The following EHD2 variants were observed in gnomAD, a reference collection of about 807,000 sequenced individuals.
The protein encoded by EHD2 is EH domain-containing protein 2.
In EHD2, 27 loss-of-function variants were observed where a neutral mutation model predicts 41.0. The ratio of observed to expected loss-of-function variants is 0.66; its 90% CI spans 0.49 to 0.91. The LOEUF (loss-of-function observed/expected upper bound fraction) is 0.91. Among genes scored for constraint, EHD2 ranks in the 40% least tolerant of loss-of-function variants. The pLI is 0.00. For synonymous variants in EHD2, 342 were observed against 341.0 expected, an observed-to-expected ratio of 1.00 and a Z score of -0.03; for missense variants, 673 against 773.9, an observed-to-expected ratio of 0.87 and a Z score of 1.55.
Position 47,716,909 on chromosome 19 carries a change from C to G in EHD2, c.297C>G (p.Ala99=), listed in dbSNP as rs148949873. 6.2e-7 allele frequency: 1 copy of G among 1,611,816 alleles called. No individual in the cohort carries two copies. Among genetic ancestry groups the G allele is most frequent in the Non-Finnish European group, 8.5e-7 (1 of 1,179,936 alleles). ...AGCCCACCACCGACTGCTTTGTGGCCGTCATGCACGGGGACACTGAGGGCA... is the reference window on the plus strand; with the variant it reads ...AGCCCACCACCGACTGCTTTGTGGCGGTCATGCACGGGGACACTGAGGGCA... ...GPEPTTDCFV[A]VMHGDTEGTV... is the part of the protein sequence containing the mutation. The change falls in exon 2 of 6, where the codon GCC becomes GCG. Residue 99 remains alanine, a synonymous_variant. Transcript: ENST00000263277.
rs750624524 is a variant in EHD2, at chr19:47,740,899, G to A, written c.1099G>A (p.Asp367Asn). The change falls in exon 6 of 6, where the codon GAC (aspartate) becomes AAC (asparagine). Residue 367 changes from aspartate (D) to asparagine (N), a missense_variant. Asp to Asn is a conservative substitution (Grantham distance 23). Transcript: ENST00000263277. ...QKMQELLMAHDFTKFHSLKPK... is the reference protein window; with the variant it reads ...QKMQELLMAHNFTKFHSLKPK... ...ACCACAGGAGCTGCTGATGGCGCAC[G>A]ACTTCACCAAGTTTCACTCGCTGAA... The A allele has an allele frequency of 1.5e-5, 25 of 1,613,132 alleles. No homozygotes were observed. The highest frequency in any genetic ancestry group is 3.3e-5 in the Admixed American group (2 of 59,902).
At chr19:47,729,009 T>G (rs909286751) in intron 4 of EHD2, among the ~76,000 whole-genome samples, 12 of 152,150 alleles carry the variant, frequency 7.9e-5, no homozygotes, top group African/African-American at 2.7e-4. Context: ...TGGCCTGGTG[T>G]TGGGTGGTGC....
In EHD2 at chr19:47,736,905, C is replaced by T. The variant is rs148783475; in HGVS notation, c.1080+372C>T. 2.0e-3 allele frequency among the ~76,000 whole-genome samples: 309 copies of T among 152,280 alleles called. 2 individuals are homozygous for T. Among genetic ancestry groups the T allele is most frequent in the African/African-American group, 7.2e-3 (298 of 41,568 alleles). On this transcript the variant is annotated intron_variant, in intron 5 of 5. Transcript: ENST00000263277. ...ATGGTACAAAAGGGCTGTGAAGGCT[C>T]CAGCCATTGTGTCTGCGTTCCAGCC...
intron 3 of EHD2, among the ~76,000 whole-genome samples, chr19:47,722,582 T>G (rs933683617): frequency 4.6e-5 from 7 of 151,678 alleles, no homozygotes; most frequent in African/African-American, 1.7e-4. Flanking sequence ...TTTTTTTTTT[T>G]GAGACGGAGT....
Position 47,738,104 on chromosome 19 carries a change from A to T in EHD2, c.1080+1571A>T, listed in dbSNP as rs908862336. Among the ~76,000 whole-genome samples the T allele has an allele frequency of 4.6e-5, 7 of 150,958 alleles. No homozygotes were observed. In the Admixed American group the frequency reaches 4.6e-4, roughly 10 times the overall value. On this transcript the variant is annotated intron_variant, in intron 5 of 5. Coordinates refer to ENST00000263277, the MANE Select transcript of EHD2 (RefSeq NM_014601.4). ...GTCATGTTGGCCAGGCTGGTCTCGA[A>T]CTCCTGGCCTCAAGTGATCCTCCTG...
intron 3 of EHD2, among the ~76,000 whole-genome samples, chr19:47,718,933 T>TGG (rs59552209): frequency 3.3e-4 from 40 of 122,106 alleles, no homozygotes; most frequent in African/African-American, 1.1e-3. Flanking sequence ...GGAGAGGGGC[T>TGG]GGGCCTGGAC....
At chr19:47,739,274 A>ATTTTTTTTTTTTTTT (rs57266469) in intron 5 of EHD2, among the ~76,000 whole-genome samples, 1 of 116,068 alleles carries the variant, frequency 8.6e-6, no homozygotes, top group African/African-American at 3.1e-5. Flanking sequence ...CTAATTTTTA[A>ATTTTTTTTTTTTTTT]TTTTTTTTTT....
intron 5 of EHD2, among the ~76,000 whole-genome samples, chr19:47,740,640 G>T (rs1966976086): frequency 6.6e-6 from 1 of 152,172 alleles, no homozygotes; most frequent in Non-Finnish European, 1.5e-5. Context: ...CAGCTACTTG[G>T]GAGGCTGAGG....
At position 47,741,260 on chromosome 19, in the gene EHD2, G is replaced by A; in HGVS notation, c.1460G>A (p.Gly487Glu). Residue 487 changes from glycine (G) to glutamate (E), a missense_variant, in exon 6 of 6, where the codon GGG becomes GAG. Gly to Glu is a moderately conservative substitution (Grantham distance 98, BLOSUM62 -2). Transcript: ENST00000263277. This position sits in a 1 kb window ranked among gnomAD's most constrained non-coding sequence, Gnocchi z 4.5. ...VGTKLPNSVL[G>E]RIWKLSDVDR... ...ACCAAGCTCCCCAACTCAGTGCTGG[G>A]GCGCATCTGGAAGCTCAGCGATGTG... The A allele has an allele frequency of 1.2e-6, 2 of 1,614,164 alleles. No individual in the cohort carries two copies. The highest frequency in any genetic ancestry group is 1.7e-6 in the Non-Finnish European group (2 of 1,180,006).
chr19:47,729,450 G>A (rs1010509618), intron 4 of EHD2, among the ~76,000 whole-genome samples: 1 of 152,144 alleles, frequency 6.6e-6, no homozygotes, highest in African/African-American at 2.4e-5. Flanking sequence ...GAGTCTAGGA[G>A]CCTGGAGACC....
intron 2 of EHD2, 86 bp from the exon 3 acceptor site, chr19:47,718,423 G>A (rs570943682): frequency 1.4e-5 from 17 of 1,177,474 alleles, no homozygotes; most frequent in East Asian, 1.3e-4. Flanking sequence ...TTTGCCATGC[G>A]GTCCCGAGTC....
At position 47,742,844 on chromosome 19, in the gene EHD2, C is replaced by G. The variant is rs555326015; in HGVS notation, c.*1412C>G. ...AGGCCCCGGGGCTTTATTTTAGTCTCCTTTTCAGGGATGTCGTGGGCGGGG... is the reference window on the plus strand; with the variant it reads ...AGGCCCCGGGGCTTTATTTTAGTCTGCTTTTCAGGGATGTCGTGGGCGGGG... On this transcript the variant is annotated 3_prime_UTR_variant, in exon 6 of 6. Coordinates refer to ENST00000263277, the MANE Select transcript of EHD2 (RefSeq NM_014601.4). 3.3e-5 allele frequency: 5 copies of G among 152,646 alleles called. No individual in the cohort carries two copies. Among genetic ancestry groups the G allele is most frequent in the Admixed American group, 2.6e-4 (4 of 15,272 alleles). 9.5% of individuals were successfully genotyped at this position (152,646 alleles called of 1,614,324 possible).
At chr19:47,731,271 A>ATATAT (rs1973804912) in intron 4 of EHD2, 1 of 25,140 alleles carries the variant, frequency 4.0e-5, no homozygotes, top group African/African-American at 1.3e-4. Context: ...ATTCTTTAAA[A>ATATAT]AAAAAAAAAT....
intron 3 of EHD2, among the ~76,000 whole-genome samples, chr19:47,721,442 T>C (rs552403176): frequency 1.3e-5 from 2 of 151,292 alleles, no homozygotes; most frequent in South Asian, 4.2e-4. Flanking sequence ...GCCTCCGGAG[T>C]AGCTGGGATT....
At chr19:47,738,742 T>G (rs1414620080) in intron 5 of EHD2, among the ~76,000 whole-genome samples, 1 of 152,224 alleles carries the variant, frequency 6.6e-6, no homozygotes, top group Non-Finnish European at 1.5e-5. Flanking sequence ...TGCCAGGGAA[T>G]CCAGGTTGCA....
At chr19:47,739,855 A>C (rs914010820) in intron 5 of EHD2, among the ~76,000 whole-genome samples, 10 of 151,670 alleles carry the variant, frequency 6.6e-5, no homozygotes, top group African/African-American at 2.4e-4. Context: ...TGAGAAAGCT[A>C]TACTTGATGC....
chr19:47,737,423 A>G (rs10402801), intron 5 of EHD2, among the ~76,000 whole-genome samples: 101,301 of 151,532 alleles, frequency 0.67, 34,383 homozygotes, highest in African/African-American at 0.78. Context: ...GTGGGAGGCC[A>G]AGGCGGGTGG....
chr19:47,727,525 A>G (rs1316506536), intron 4 of EHD2, among the ~76,000 whole-genome samples: 1 of 151,842 alleles, frequency 6.6e-6, no homozygotes, highest in Non-Finnish European at 1.5e-5. Flanking sequence ...TTTATAAGCT[A>G]GTCAAATTTA....
Position 47,718,537 on chromosome 19 carries a change from G to A in EHD2, c.433G>A (p.Val145Ile). Residue 145 changes from valine to isoleucine, a missense_variant, in exon 3 of 6, where the codon GTC (valine) becomes ATC (isoleucine). Transcript: ENST00000263277. ...RFMCAQLPNQ[V>I]LESISIIDTP... is the part of the protein sequence containing the mutation. The stretch of plus-strand genomic sequence containing the variant: ...CATGTGTGCCCAGCTCCCTAATCAG[G>A]TCCTGGAGAGCATCAGCATCATCGA... 2 of 1,587,422 alleles carry A rather than the reference G, an allele frequency of 1.3e-6. No individual in the cohort carries two copies. The highest frequency in any genetic ancestry group is 1.7e-6 in the Non-Finnish European group (2 of 1,166,522).
Sources: gnomAD v4.1 joint callset for allele counts (sites outside exome capture counted in the v4.1 genomes callset) on GRCh38, gnomAD v4.1.1 for gene constraint, Gnocchi (gnomAD v3.1) non-coding constraint, MANE v1.5 for transcripts, NCBI Gene and HGNC (gene_info 2026-07-23, HGNC 2026-07-21) for gene names.